The following FNBP1L variants were observed in gnomAD, a reference collection of about 807,000 sequenced individuals.
The protein encoded by FNBP1L is formin binding protein 1 like.
A neutral mutation model predicts 91.2 loss-of-function variants in FNBP1L; 36 were observed. That is an observed-to-expected ratio of 0.39 (90% CI 0.30 to 0.52). FNBP1L has a LOEUF of 0.52. FNBP1L is among the 20% of genes least tolerant of loss of function. The pLI, the probability that FNBP1L is intolerant of heterozygous loss-of-function variation, is 0.66. For missense variants in FNBP1L, 571 were observed against 732.1 expected (o/e 0.78, Z 2.54); for synonymous variants, 242 against 237.0 (o/e 1.02, Z -0.19).
rs545137195 is a variant in FNBP1L at position 93,507,107 on chromosome 1, ACTCTCTCTCT to A, written c.140+7559_140+7568del. Among the ~76,000 whole-genome samples, 145 of 45,386 alleles carry A rather than the reference ACTCTCTCTCT, an allele frequency of 3.2e-3. 1 individual carries two copies. The Middle Eastern group carries it at 0.045, about 14-fold the overall frequency. 29.8% of individuals were successfully genotyped at this position (45,386 alleles called of 152,430 possible). A position where few individuals can be genotyped will look rare whatever the true frequency, so the allele number is the denominator to read the frequency against. ...CACACACACACACACACACACACAC[ACTCTCTCTCT>A]CTCTCTCTCTCTCTCTCTCTCTCTC... On this transcript the variant is annotated intron_variant, in intron 2 of 16. Coordinates refer to ENST00000271234, the MANE Select transcript of FNBP1L (RefSeq NM_001164473.3).
At position 93,534,843 on chromosome 1, in the gene FNBP1L, A is replaced by G; in HGVS notation, c.925A>G (p.Met309Val). The G allele has an allele frequency of 1.9e-6, 3 of 1,580,058 alleles. No homozygotes were observed. Among genetic ancestry groups the G allele is most frequent in the Non-Finnish European group, 2.6e-6 (3 of 1,161,702 alleles). ...TGCATCCAAACAGGAGAGTGGGAAG[A>G]TGGATGCCAAAACCACAGTAGGAAA... ...ISASKQESGK[M>V]DAKTTVGKAK... The change falls in exon 9 of 17, where the codon ATG (methionine) becomes GTG (valine). Residue 309 changes from methionine to valine, a missense_variant. Transcript: ENST00000271234.
intron 1 of FNBP1L, among the ~76,000 whole-genome samples, chr1:93,475,611 G>C (rs1323551816): frequency 6.6e-6 from 1 of 152,124 alleles, no homozygotes; most frequent in African/African-American, 2.4e-5. Context: ...ATGTAATAAA[G>C]AGATACTCTG....
At chr1:93,541,561 A>C (rs1487623776) in intron 11 of FNBP1L, among the ~76,000 whole-genome samples, 1 of 150,754 alleles carries the variant, frequency 6.6e-6, no homozygotes, top group Non-Finnish European at 1.5e-5. Context: ...CAAATGATCT[A>C]AATATCCTGT....
At chr1:93,541,502 A>G (rs928374104) in intron 11 of FNBP1L, among the ~76,000 whole-genome samples, 2 of 142,810 alleles carry the variant, frequency 1.4e-5, no homozygotes, top group Non-Finnish European at 3.0e-5. Flanking sequence ...TAGTATCATT[A>G]TGGAGTTAGT....
chr1:93,483,286 G>A lies in FNBP1L; in HGVS notation c.25-16182G>A, dbSNP rs373007753. Among the ~76,000 whole-genome samples, 23 of 151,760 alleles carry A rather than the reference G, an allele frequency of 1.5e-4. No homozygotes were observed. The East Asian group carries it at 1.7e-3, about 11-fold the overall frequency. On this transcript the variant is annotated intron_variant, in intron 1 of 16. Transcript: ENST00000271234. ...GATGTTGAATAAAGAATTATATAGA[G>A]TCAATATGAAAAGGACAAAATTTAA... is the stretch of plus-strand genomic sequence containing the variant.
At chr1:93,546,551 T>G (rs1557822082) in intron 12 of FNBP1L, among the ~76,000 whole-genome samples, 1 of 151,758 alleles carries the variant, frequency 6.6e-6, no homozygotes, top group Non-Finnish European at 1.5e-5. Context: ...GCCCTTGATT[T>G]TGTGTGTGTG....
chr1:93,466,365 G>A (rs1442103033), intron 1 of FNBP1L, among the ~76,000 whole-genome samples: 4 of 152,150 alleles, frequency 2.6e-5, no homozygotes, highest in South Asian at 2.1e-4. Flanking sequence ...ATCCATCTCG[G>A]ATTAATTTTT....
At chr1:93,526,309 C>T (rs549341384) in intron 5 of FNBP1L, among the ~76,000 whole-genome samples, 7 of 152,172 alleles carry the variant, frequency 4.6e-5, no homozygotes, top group African/African-American at 9.7e-5. Context: ...CAGTAGCCCA[C>T]GGTTGTCACC....
intron 1 of FNBP1L, among the ~76,000 whole-genome samples, chr1:93,489,099 C>T (rs188029342): frequency 1.5e-3 from 233 of 152,246 alleles, no homozygotes; most frequent in African/African-American, 5.5e-3. Context: ...CAACCTGGTT[C>T]TTTCTTTTCT....
intron 1 of FNBP1L, among the ~76,000 whole-genome samples, chr1:93,448,631 C>G (rs928829391): frequency 1.3e-5 from 2 of 152,046 alleles, no homozygotes; most frequent in Non-Finnish European, 2.9e-5. Context: ...CTTCACTTTT[C>G]CCGACGCCTG....
At chr1:93,464,180 C>T (rs1010890074) in intron 1 of FNBP1L, among the ~76,000 whole-genome samples, 5 of 152,062 alleles carry the variant, frequency 3.3e-5, no homozygotes, top group African/African-American at 1.2e-4. Context: ...GGTGGTTTCT[C>T]CAAAACTTAA....
chr1:93,458,812 ATTG>A (rs1174971946), intron 1 of FNBP1L, among the ~76,000 whole-genome samples: 18 of 152,318 alleles, frequency 1.2e-4, no homozygotes, highest in African/African-American at 4.1e-4. Context: ...ATTACTATTT[ATTG>A]TTCTAATTGT....
chr1:93,491,867 T>A (rs1465228449), intron 1 of FNBP1L, among the ~76,000 whole-genome samples: 1 of 152,240 alleles, frequency 6.6e-6, no homozygotes, highest in Non-Finnish European at 1.5e-5. Context: ...AAACATTGTA[T>A]CCATATATCC....
At chr1:93,455,053 C>T (rs895957143) in intron 1 of FNBP1L, among the ~76,000 whole-genome samples, 3 of 152,082 alleles carry the variant, frequency 2.0e-5, no homozygotes, top group African/African-American at 2.4e-5. Context: ...CTCAGCCTTC[C>T]GAGTAGCAGA....
chr1:93,462,496 C>CT (rs1237048888), intron 1 of FNBP1L, among the ~76,000 whole-genome samples: 2 of 152,130 alleles, frequency 1.3e-5, no homozygotes, highest in East Asian at 1.9e-4. Context: ...CCTAATACCC[C>CT]TTTTTTTGTT....
At chr1:93,510,417 C>G (rs867472044) in intron 2 of FNBP1L, among the ~76,000 whole-genome samples, 28 of 152,274 alleles carry the variant, frequency 1.8e-4, no homozygotes, top group African/African-American at 6.5e-4. Context: ...AGAAGGAAAA[C>G]TAACAAACAG....
At chr1:93,513,569 C>G (rs1350967557) in intron 2 of FNBP1L, among the ~76,000 whole-genome samples, 23 of 150,398 alleles carry the variant, frequency 1.5e-4, no homozygotes, top group Non-Finnish European at 3.0e-5. Context: ...AGCTTATCCA[C>G]CATGATCAAG....
chr1:93,542,459 A>T (rs1366123987), intron 11 of FNBP1L, among the ~76,000 whole-genome samples: 1 of 143,566 alleles, frequency 7.0e-6, no homozygotes, highest in South Asian at 2.1e-4. Flanking sequence ...AAAAAAAAAA[A>T]AAAAAAAGCA....
chr1:93,535,897 T>G (rs1487175812), intron 9 of FNBP1L, among the ~76,000 whole-genome samples: 17 of 152,058 alleles, frequency 1.1e-4, no homozygotes, highest in Non-Finnish European at 1.5e-4. Flanking sequence ...AAAATTTTTT[T>G]GCCTATTTTT....
Sources: allele counts gnomAD v4.1 joint callset (sites outside exome capture counted in the v4.1 genomes callset), GRCh38; gene constraint gnomAD v4.1.1; transcripts MANE v1.5; gene names NCBI Gene and HGNC (gene_info 2026-07-23, HGNC 2026-07-21).